Variants in NAV3 observed in about 807,000 individuals in gnomAD.
The protein encoded by NAV3 is pore membrane and/or filament interacting like protein 1.
Under a neutral mutation model 244.7 loss-of-function variants are expected in NAV3, and 87 were observed. The observed-to-expected ratio is 0.36, with a 90% CI of 0.30 to 0.42. The LOEUF (loss-of-function observed/expected upper bound fraction) is 0.42. Ranked by LOEUF, NAV3 falls within the 20% of genes least tolerant of loss-of-function variation. NAV3 has a pLI of 1.00. For synonymous variants in NAV3, 1,126 were observed against 1,042.2 expected (o/e 1.08, Z -1.55); for missense variants, 2,663 against 2,893.3 (o/e 0.92, Z 1.83).
intron 2 of NAV3, among the ~76,000 whole-genome samples, chr12:77,804,637 T>C (rs941455967): frequency 2.0e-5 from 3 of 152,200 alleles, no homozygotes; most frequent in African/African-American, 7.2e-5. Context: ...TTCCTTAGGA[T>C]TGTCTTGGAT....
chr12:78,005,955 C>A (rs1874133287), intron 7 of NAV3, among the ~76,000 whole-genome samples: 2 of 151,994 alleles, frequency 1.3e-5, no homozygotes, highest in Admixed American at 1.3e-4. Context: ...GTCATCCAGG[C>A]TGGAGGGCAG....
At chr12:77,943,330 TA>T (rs1436283807) in intron 3 of NAV3, among the ~76,000 whole-genome samples, 1 of 152,122 alleles carries the variant, frequency 6.6e-6, no homozygotes, top group Non-Finnish European at 1.5e-5. Context: ...GCAAATGCTA[TA>T]AAAAAGGTAG....
At chr12:77,588,122 A>G (rs61932072) in intron 2 of NAV3, among the ~76,000 whole-genome samples, 233 of 152,180 alleles carry the variant, frequency 1.5e-3, no homozygotes, top group Non-Finnish European at 1.8e-3. Flanking sequence ...GTCAGTAAAA[A>G]TATCTATTTT....
At chr12:77,706,597 T>C (rs953064050) in intron 2 of NAV3, among the ~76,000 whole-genome samples, 1 of 150,936 alleles carries the variant, frequency 6.6e-6, no homozygotes, top group Admixed American at 6.6e-5. Context: ...AAAGGCTGGG[T>C]GCGGTGGCTC....
At chr12:78,059,506 C>T (rs577297286) in intron 12 of NAV3, among the ~76,000 whole-genome samples, 54 of 152,166 alleles carry the variant, frequency 3.5e-4, no homozygotes, top group Middle Eastern at 3.4e-3. Context: ...TCAGGATGGT[C>T]TCCATCTCTT....
At chr12:77,694,376 G>A (rs954183444) in intron 2 of NAV3, among the ~76,000 whole-genome samples, 1 of 151,788 alleles carries the variant, frequency 6.6e-6, no homozygotes, top group Non-Finnish European at 1.5e-5. Context: ...AGGAGGCTGA[G>A]GCAGGAGAAT....
intron 7 of NAV3, among the ~76,000 whole-genome samples, chr12:78,005,585 AT>A: frequency 6.6e-6 from 1 of 152,338 alleles, no homozygotes; most frequent in Admixed American, 6.5e-5. Context: ...ATGTGTGCAC[AT>A]TAAAGTTTTG....
intron 12 of NAV3, among the ~76,000 whole-genome samples, chr12:78,081,615 A>G (rs1338021064): frequency 6.6e-6 from 1 of 152,060 alleles, no homozygotes; most frequent in African/African-American, 2.4e-5. Flanking sequence ...CTATTTACCC[A>G]TGTAAATAGG....
intron 7 of NAV3, among the ~76,000 whole-genome samples, chr12:78,001,903 C>T (rs1309627702): frequency 1.3e-5 from 2 of 152,170 alleles, no homozygotes; most frequent in Admixed American, 1.3e-4. Context: ...TGATGACCTG[C>T]CATTCAGAAA....
At chr12:77,620,003 C>T (rs571970139) in intron 2 of NAV3, among the ~76,000 whole-genome samples, 1 of 152,096 alleles carries the variant, frequency 6.6e-6, no homozygotes, top group South Asian at 2.1e-4. Flanking sequence ...TTCTATTGAC[C>T]AAATTGCAAA....
chr12:78,098,141 T>C (rs1954353188), intron 12 of NAV3, among the ~76,000 whole-genome samples: 1 of 152,108 alleles, frequency 6.6e-6, no homozygotes, highest in Non-Finnish European at 1.5e-5. Context: ...GCCTTAATAA[T>C]GTCACTAAAT....
At chr12:78,035,361 G>T (rs1011615520) in intron 9 of NAV3, among the ~76,000 whole-genome samples, 1 of 152,142 alleles carries the variant, frequency 6.6e-6, no homozygotes, top group African/African-American at 2.4e-5. Flanking sequence ...AATACTGAAA[G>T]GTCGATAGTC....
At chr12:77,712,225 G>A (rs1876153057) in intron 2 of NAV3, among the ~76,000 whole-genome samples, 1 of 152,166 alleles carries the variant, frequency 6.6e-6, no homozygotes, top group African/African-American at 2.4e-5. Context: ...CAGAAATTAA[G>A]GGGAAGCAGA....
At chr12:77,666,156 C>A (rs891741265) in intron 2 of NAV3, among the ~76,000 whole-genome samples, 1 of 148,672 alleles carries the variant, frequency 6.7e-6, no homozygotes, top group Non-Finnish European at 1.5e-5. Flanking sequence ...ACCCTAATTG[C>A]TTCCAATAGC....
rs1005964965 is a variant in NAV3, at chr12:78,119,864, C to A, written c.3668C>A (p.Thr1223Asn). 5.6e-6 allele frequency: 9 copies of A among 1,614,078 alleles called. No individual in the cohort carries two copies. The highest frequency in any genetic ancestry group is 7.6e-6 in the Non-Finnish European group (9 of 1,180,034). Residue 1223 changes from threonine (T) to asparagine (N), a missense_variant, in exon 15 of 40, where the codon ACC (threonine) becomes AAC (asparagine). This residue lies in a region of NAV3 where 1,521 missense variants were observed against 1,497.0 expected (regional missense o/e 1.02). Coordinates refer to ENST00000397909, the MANE Select transcript of NAV3 (RefSeq NM_001024383.2). ...SLSGSPKSSP[T>N]SASACGAQGL... ...TCAGGTTCCCCCAAATCCAGCCCCA[C>A]CTCTGCCAGCGCCTGTGGTGCACAA...
chr12:77,582,827 G>T (rs1450141312), intron 2 of NAV3, among the ~76,000 whole-genome samples: 1 of 152,164 alleles, frequency 6.6e-6, no homozygotes, highest in Non-Finnish European at 1.5e-5. Flanking sequence ...ATGGGAACCG[G>T]GGCCTGTCAC....
At chr12:78,169,824 C>T (rs1012596150) in intron 24 of NAV3, among the ~76,000 whole-genome samples, 1 of 151,712 alleles carries the variant, frequency 6.6e-6, no homozygotes, top group Non-Finnish European at 1.5e-5. Context: ...ATGGAAACAG[C>T]ATTTGATGCT....
intron 1 of NAV3, among the ~76,000 whole-genome samples, chr12:77,922,330 C>T (rs1213322663): frequency 6.6e-6 from 1 of 152,076 alleles, no homozygotes; most frequent in African/African-American, 2.4e-5. Context: ...AGGGCCAGCG[C>T]TTCTTTTCCA....
chr12:77,694,335 T>A (rs1283076625), intron 2 of NAV3, among the ~76,000 whole-genome samples: 5 of 150,940 alleles, frequency 3.3e-5, no homozygotes, highest in African/African-American at 1.2e-4. Flanking sequence ...CAGCCAGGCA[T>A]GGTGGCACAC....
Sources: allele counts gnomAD v4.1 joint callset (sites outside exome capture counted in the v4.1 genomes callset), GRCh38; gene constraint gnomAD v4.1.1; regional missense constraint gnomAD v4.1.1; transcripts MANE v1.5; gene names NCBI Gene and HGNC (gene_info 2026-07-23, HGNC 2026-07-21).